Variants in ARMC2 observed in about 807,000 individuals in gnomAD.
ARMC2 encodes armadillo repeat containing 2.
Under a neutral mutation model 90.3 loss-of-function variants are expected in ARMC2, and 67 were observed. That is an observed-to-expected ratio of 0.74 (90% CI 0.61 to 0.91). ARMC2 has a LOEUF of 0.91. ARMC2 is among the 40% of genes least tolerant of loss of function. The probability of loss-of-function intolerance (pLI) is 0.00; values close to 1 mark genes in which losing one functional copy is unlikely to be tolerated. For synonymous variants in ARMC2, 393 were observed against 393.0 expected (o/e 1.00, Z 0.00); for missense variants, 920 against 1,030.9 (o/e 0.89, Z 1.47).
At chr6:108,894,707 T>C (rs574445763) in intron 6 of ARMC2, among the ~76,000 whole-genome samples, 164 bp downstream of exon 6, 1 of 152,092 alleles carries the variant, frequency 6.6e-6, no homozygotes, top group East Asian at 1.9e-4. Flanking sequence ...CATACAATGT[T>C]ACCATCTTAC....
At chr6:108,948,133 C>CT (rs1776934811) in intron 12 of ARMC2, among the ~76,000 whole-genome samples, 1 of 152,174 alleles carries the variant, frequency 6.6e-6, no homozygotes, top group South Asian at 2.1e-4. Flanking sequence ...ATTTTATAGA[C>CT]TTGAGATGGC....
chr6:108,874,955 T>G (rs1776795222), intron 4 of ARMC2, among the ~76,000 whole-genome samples: 1 of 152,154 alleles, frequency 6.6e-6, no homozygotes, highest in Non-Finnish European at 1.5e-5. Flanking sequence ...TTATTAGTTT[T>G]TATTGGTTTG....
chr6:109,002,297 C>G, the ARMC2 span: 4 of 1,613,396 alleles, frequency 2.5e-6, no homozygotes, highest in African/African-American at 5.3e-5. Context: ...TGGGATGAAT[C>G]TGCTTGGTCC....
intron 17 of ARMC2, among the ~76,000 whole-genome samples, chr6:108,971,293 G>A (rs897673904): frequency 6.6e-6 from 1 of 152,158 alleles, no homozygotes; most frequent in Non-Finnish European, 1.5e-5. Context: ...AGCTCTGAAC[G>A]CACCACATAT....
At chr6:108,921,635 G>T (rs1774581284) in intron 10 of ARMC2, among the ~76,000 whole-genome samples, 1 of 152,194 alleles carries the variant, frequency 6.6e-6, no homozygotes, top group African/African-American at 2.4e-5. Context: ...CACAGGCTCT[G>T]GTTTTGGCAT....
At chr6:109,031,374 G>A in the ARMC2 span, among the ~76,000 whole-genome samples, 2 of 152,246 alleles carry the variant, frequency 1.3e-5, no homozygotes, top group Admixed American at 1.3e-4. Flanking sequence ...GCACTTCAGT[G>A]GAAGAGGTAG....
At chr6:108,927,972 G>A in intron 10 of ARMC2, 116 bp from the exon 11 acceptor site, 1 of 1,044,720 alleles carries the variant, frequency 9.6e-7, no homozygotes, top group East Asian at 2.7e-5. Context: ...TGCATAGCGG[G>A]AGCTTTGCTT....
At chr6:109,040,102 G>A in the ARMC2 span, among the ~76,000 whole-genome samples, 1 of 152,152 alleles carries the variant, frequency 6.6e-6, no homozygotes, top group Non-Finnish European at 1.5e-5. Flanking sequence ...TATCTTTAGC[G>A]TAAAAACTTC....
intron 10 of ARMC2, among the ~76,000 whole-genome samples, chr6:108,922,267 C>A (rs1050853557): frequency 2.6e-5 from 4 of 152,022 alleles, no homozygotes; most frequent in African/African-American, 9.7e-5. Context: ...AGGGCCCCCC[C>A]ACCCTTTTTT....
intron 3 of ARMC2, 85 bp downstream of exon 3, chr6:108,858,356 A>G (rs1774867413): frequency 3.2e-6 from 3 of 943,088 alleles, no homozygotes; most frequent in Non-Finnish European, 3.2e-6. Context: ...GTACTTATAT[A>G]TGCTATGATA....
chr6:108,924,472 C>G (rs754976259), intron 10 of ARMC2, among the ~76,000 whole-genome samples: 7 of 149,882 alleles, frequency 4.7e-5, no homozygotes, highest in Non-Finnish European at 1.0e-4. Context: ...GAGCCGAGAT[C>G]GAGACTCTGT....
At chr6:108,968,000 G>A (rs12191613) in intron 17 of ARMC2, among the ~76,000 whole-genome samples, 29,217 of 152,108 alleles carry the variant, frequency 0.19, 3,428 homozygotes, top group African/African-American at 0.33. Flanking sequence ...ATAGCAATCA[G>A]TCATGAATTG....
the ARMC2 span, among the ~76,000 whole-genome samples, chr6:109,010,692 T>C: frequency 1.3e-5 from 2 of 152,228 alleles, no homozygotes; most frequent in Non-Finnish European, 2.9e-5. Context: ...ATACTGCTTT[T>C]AAAAAATAGC....
the ARMC2 span, among the ~76,000 whole-genome samples, chr6:109,045,014 A>C: frequency 6.7e-6 from 1 of 149,118 alleles, no homozygotes; most frequent in Non-Finnish European, 1.5e-5. Context: ...CAAGAGCGAG[A>C]CTCCATTTCA....
intron 3 of ARMC2, among the ~76,000 whole-genome samples, chr6:108,860,762 C>T (rs1250406065): frequency 6.6e-6 from 1 of 151,368 alleles, no homozygotes; most frequent in African/African-American, 2.4e-5. Context: ...TCTGACTGGG[C>T]TGTGTTGTTG....
chr6:108,990,230 A>G, the ARMC2 span, among the ~76,000 whole-genome samples: 1 of 152,186 alleles, frequency 6.6e-6, no homozygotes, highest in Non-Finnish European at 1.5e-5. Context: ...GAGAGCAAGT[A>G]CTCCTCAGAA....
rs764676726 is a variant in ARMC2 at position 108,928,224 on chromosome 6, G to T, written c.1487G>T (p.Arg496Ile). Residue 496 changes from arginine to isoleucine, a missense_variant, in exon 11 of 18, where the codon AGA becomes ATA. Coordinates refer to ENST00000392644, the MANE Select transcript of ARMC2 (RefSeq NM_032131.6). Reference protein sequence around the residue: ...GDKDVCTNIARIFSKLTSYRD... With the variant: ...GDKDVCTNIAIIFSKLTSYRD... ...AAGGACGTCTGTACCAATATTGCCA[G>T]AATATTCAGGTAGGTAGACTAAGAC... 1 of 1,538,770 alleles carries T rather than the reference G, an allele frequency of 6.5e-7. No individual in the cohort carries two copies. Among genetic ancestry groups the T allele is most frequent in the East Asian group, 2.4e-5 (1 of 42,114 alleles).
the ARMC2 span, among the ~76,000 whole-genome samples, chr6:109,030,263 C>T: frequency 6.6e-6 from 1 of 152,064 alleles, no homozygotes; most frequent in Non-Finnish European, 1.5e-5. Context: ...AGAGATATGA[C>T]AATCAAGAAT....
At chr6:108,989,780 G>A in the ARMC2 span, among the ~76,000 whole-genome samples, 1 of 152,102 alleles carries the variant, frequency 6.6e-6, no homozygotes, top group Non-Finnish European at 1.5e-5. Context: ...AGCCAAGATG[G>A]CTGCATGCAC....
Sources: gnomAD v4.1 joint callset for allele counts (sites outside exome capture counted in the v4.1 genomes callset) on GRCh38, gnomAD v4.1.1 for gene constraint, MANE v1.5 for transcripts, NCBI Gene and HGNC (gene_info 2026-07-23, HGNC 2026-07-21) for gene names.